TIAM1: variants seen among roughly 807,000 people sequenced by gnomAD.
The protein encoded by TIAM1 is rho guanine nucleotide exchange factor TIAM1.
TIAM1 carries 65 observed loss-of-function variants against 163.5 expected under a neutral mutation model. The observed-to-expected ratio is 0.40, with a 90% CI of 0.33 to 0.49. TIAM1 has a LOEUF of 0.49. Among genes scored for constraint, TIAM1 ranks in the 20% least tolerant of loss-of-function variants. The pLI, the probability that TIAM1 is intolerant of heterozygous loss-of-function variation, is 0.77. For synonymous variants in TIAM1, 833 were observed against 810.1 expected, an observed-to-expected ratio of 1.03 and a Z score of -0.48; for missense variants, 1,789 against 2,044.7, an observed-to-expected ratio of 0.87 and a Z score of 2.41.
chr21:31,251,977 C>T lies in TIAM1; in HGVS notation c.1176G>A (p.Glu392=). Reference sequence around the variant, plus strand: ...GGCTCTCGCTGTTGGTGGTGCTCATCTCCAGCTCCCGCCGGAAGTTCTCGT... The same window carrying T: ...GGCTCTCGCTGTTGGTGGTGCTCATTTCCAGCTCCCGCCGGAAGTTCTCGT... ...GVYENFRREL[E]MSTTNSESLE... is the part of the protein sequence containing the mutation. Residue 392 remains glutamate (E), a synonymous_variant, in exon 5 of 28, where the codon GAG becomes GAA. Coordinates refer to ENST00000541036, the MANE Select transcript of TIAM1 (RefSeq NM_001353694.2). The T allele has an allele frequency of 6.2e-7, 1 of 1,613,962 alleles. No individual in the cohort carries two copies. The highest frequency in any genetic ancestry group is 8.5e-7 in the Non-Finnish European group (1 of 1,179,928).
Position 31,127,056 on chromosome 21 carries a change from C to G in TIAM1, c.4133+9G>C. 2 of 1,613,836 alleles carry G rather than the reference C, an allele frequency of 1.2e-6. No homozygotes were observed. Among genetic ancestry groups the G allele is most frequent in the Non-Finnish European group, 1.7e-6 (2 of 1,179,756 alleles). On this transcript the variant is annotated intron_variant, in intron 26 of 27. Coordinates refer to ENST00000541036, the MANE Select transcript of TIAM1 (RefSeq NM_001353694.2). Reference sequence around the variant, plus strand: ...CAACACGGCCTCGACTTTACAGGCCCAGGCTCACCTGCAGCACAAGTGAAA... The same window carrying G: ...CAACACGGCCTCGACTTTACAGGCCGAGGCTCACCTGCAGCACAAGTGAAA...
intron 1 of TIAM1, among the ~76,000 whole-genome samples, chr21:31,465,792 A>T (rs370632468): frequency 1.3e-5 from 2 of 151,758 alleles, no homozygotes; most frequent in South Asian, 2.1e-4. Context: ...GGATGGTCTC[A>T]ATCTCCTGAC....
chr21:31,183,424 A>T (rs1016497870), intron 14 of TIAM1, among the ~76,000 whole-genome samples: 2 of 152,216 alleles, frequency 1.3e-5, no homozygotes, highest in African/African-American at 4.8e-5. Flanking sequence ...GGTGGGAAGA[A>T]CATGAAAGAA....
chr21:31,503,159 C>A (rs1007061809), intron 1 of TIAM1, among the ~76,000 whole-genome samples: 3 of 152,012 alleles, frequency 2.0e-5, no homozygotes, highest in African/African-American at 7.2e-5. Flanking sequence ...CTTTGGGAGG[C>A]TGCGGCGGGT....
At chr21:31,423,637 A>G (rs1345057727) in intron 2 of TIAM1, among the ~76,000 whole-genome samples, 3 of 148,688 alleles carry the variant, frequency 2.0e-5, no homozygotes, top group Admixed American at 6.8e-5. Context: ...CTAGCCCTAT[A>G]ACGAACTCAT....
intron 2 of TIAM1, among the ~76,000 whole-genome samples, chr21:31,436,737 C>T (rs1233111396): frequency 1.3e-5 from 2 of 152,008 alleles, no homozygotes; most frequent in Admixed American, 6.6e-5. Context: ...GCAGGCAGAT[C>T]GTCTGAGGTT....
chr21:31,519,019 A>AC (rs948041398), intron 1 of TIAM1, among the ~76,000 whole-genome samples: 1 of 151,876 alleles, frequency 6.6e-6, no homozygotes, highest in Admixed American at 6.6e-5. Flanking sequence ...ACATGGTGAA[A>AC]CCCCGCCTTG....
intron 15 of TIAM1, among the ~76,000 whole-genome samples, chr21:31,168,080 C>T (rs912397708): frequency 2.0e-5 from 3 of 150,298 alleles, no homozygotes; most frequent in Admixed American, 6.6e-5. Context: ...GGTTTCTTCC[C>T]TGAGATTCTT....
chr21:31,412,784 TAAAAAA>T (rs77221722), intron 2 of TIAM1, among the ~76,000 whole-genome samples: 14 of 103,536 alleles, frequency 1.4e-4, no homozygotes, highest in African/African-American at 3.0e-4. Flanking sequence ...TGTCTCAGGT[TAAAAAA>T]AAAAAAAAAA....
At position 31,539,663 on chromosome 21, in the gene TIAM1, G is replaced by A. The variant is rs547193180; in HGVS notation, c.-422+19264C>T. Among the ~76,000 whole-genome samples, 6 of 152,300 alleles carry A rather than the reference G, an allele frequency of 3.9e-5. No individual in the cohort carries two copies. The South Asian group carries it at 1.2e-3, about 32-fold the overall frequency. ...CACAGAGGGACACGAAATGAGAAGGGGGAGGGCAATGTGGTGGCCCTGGCA... is the reference window on the plus strand; with the variant it reads ...CACAGAGGGACACGAAATGAGAAGGAGGAGGGCAATGTGGTGGCCCTGGCA... On this transcript the variant is annotated intron_variant, in intron 1 of 28. Coordinates refer to the TIAM1 transcript ENST00000286827.
At chr21:31,400,085 GAAGGAAATATAA>G (rs2077139242) in intron 2 of TIAM1, among the ~76,000 whole-genome samples, 1 of 151,308 alleles carries the variant, frequency 6.6e-6, no homozygotes, top group African/African-American at 2.4e-5. Context: ...TAAAGAATTG[GAAGGAAATATAA>G]GGGGAAATAT....
intron 22 of TIAM1, 137 bp downstream of exon 22, chr21:31,140,981 T>C (rs1327662571): frequency 1.6e-6 from 1 of 633,330 alleles, no homozygotes; most frequent in Non-Finnish European, 2.7e-6. Flanking sequence ...AAAGCACAGA[T>C]GTTCCACTAA....
At chr21:31,323,060 C>A (rs2075368495) in intron 2 of TIAM1, among the ~76,000 whole-genome samples, 1 of 151,132 alleles carries the variant, frequency 6.6e-6, no homozygotes, top group African/African-American at 2.4e-5. Flanking sequence ...GAGGCTGAGG[C>A]ATGTGGATCA....
chr21:31,462,062 G>A (rs2045349078), intron 2 of TIAM1, among the ~76,000 whole-genome samples: 1 of 152,162 alleles, frequency 6.6e-6, no homozygotes, highest in Non-Finnish European at 1.5e-5. Context: ...AAGTATTCCT[G>A]TGTGATCCAT....
intron 2 of TIAM1, among the ~76,000 whole-genome samples, chr21:31,376,894 T>C (rs1266420846): frequency 6.6e-6 from 1 of 152,100 alleles, no homozygotes; most frequent in Non-Finnish European, 1.5e-5. Flanking sequence ...AGTCTCACTC[T>C]GTCACCCGGG....
At chr21:31,144,374 C>T (rs1196318169) in intron 20 of TIAM1, among the ~76,000 whole-genome samples, 1 of 152,234 alleles carries the variant, frequency 6.6e-6, no homozygotes, top group Admixed American at 6.5e-5. Flanking sequence ...CACCCATCGA[C>T]TGAATTCCAT....
intron 2 of TIAM1, among the ~76,000 whole-genome samples, chr21:31,337,518 G>GTTGTTATTATTATTATTATTATTATTA (rs139117633): frequency 1.4e-5 from 2 of 147,258 alleles, no homozygotes; most frequent in South Asian, 2.2e-4. Flanking sequence ...TATTATTGTT[G>GTTGTTATTATTATTATTATTATTATTA]TTATTATTAT....
chr21:31,296,401 A>G (rs989473100), intron 2 of TIAM1, among the ~76,000 whole-genome samples: 4 of 152,216 alleles, frequency 2.6e-5, no homozygotes, highest in African/African-American at 9.6e-5. Flanking sequence ...TCTTCACCTA[A>G]AAGTGACAGA....
At chr21:31,427,355 T>C (rs1040258994) in intron 2 of TIAM1, among the ~76,000 whole-genome samples, 3 of 151,786 alleles carry the variant, frequency 2.0e-5, no homozygotes, top group Admixed American at 6.6e-5. Flanking sequence ...GGCGTGGTGG[T>C]GGGCGCCTGT....
Sources: allele counts gnomAD v4.1 joint callset (sites outside exome capture counted in the v4.1 genomes callset), GRCh38; gene constraint gnomAD v4.1.1; transcripts MANE v1.5; gene names NCBI Gene and HGNC (gene_info 2026-07-23, HGNC 2026-07-21).